PPP2R2B: variants seen among roughly 807,000 people sequenced by gnomAD.
PPP2R2B encodes the protein serine/threonine-protein phosphatase 2A 55 kDa regulatory subunit B beta isoform.
PPP2R2B carries 5 observed loss-of-function variants against 46.0 expected under a neutral mutation model. That is an observed-to-expected ratio of 0.11 (90% CI 0.06 to 0.23). The LOEUF (loss-of-function observed/expected upper bound fraction) is 0.23, where lower values mean the gene tolerates loss of function less well. Ranked by LOEUF, PPP2R2B falls within the 10% of genes least tolerant of loss-of-function variation. PPP2R2B has a pLI of 1.00. For synonymous variants in PPP2R2B, 215 were observed against 206.7 expected (o/e 1.04, Z -0.34); for missense variants, 367 against 575.0 (o/e 0.64, Z 3.70).
At chr5:146,597,957 T>C (rs1320295388) in intron 8 of PPP2R2B, among the ~76,000 whole-genome samples, 1 of 152,228 alleles carries the variant, frequency 6.6e-6, no homozygotes, top group African/African-American at 2.4e-5. Flanking sequence ...TTCAGCGGTC[T>C]CTCTCTAATG....
intron 2 of PPP2R2B, among the ~76,000 whole-genome samples, chr5:146,716,257 A>G (rs916861419): frequency 3.3e-5 from 5 of 152,148 alleles, no homozygotes; most frequent in African/African-American, 1.2e-4. Flanking sequence ...ATTGGAAAAA[A>G]TTCCTTCTTC....
intron 2 of PPP2R2B, among the ~76,000 whole-genome samples, chr5:146,766,457 C>T (rs1307972349): frequency 1.3e-5 from 2 of 152,116 alleles, no homozygotes; most frequent in East Asian, 3.9e-4. Flanking sequence ...TGGGAAAAGG[C>T]TCCAGGCAGG....
chr5:146,861,486 C>A (rs555092411), intron 2 of PPP2R2B, among the ~76,000 whole-genome samples: 1 of 152,170 alleles, frequency 6.6e-6, no homozygotes, highest in Non-Finnish European at 1.5e-5. Context: ...CCACCGCGCC[C>A]GTCGTCAAAC....
intron 1 of PPP2R2B, among the ~76,000 whole-genome samples, chr5:147,007,759 G>A (rs1330859071): frequency 6.6e-6 from 1 of 152,158 alleles, no homozygotes; most frequent in African/African-American, 2.4e-5. Context: ...TTTAAGAGCT[G>A]TAACACTGAC....
At chr5:146,883,852 G>A (rs915856099) in intron 1 of PPP2R2B, among the ~76,000 whole-genome samples, 7 of 152,144 alleles carry the variant, frequency 4.6e-5, no homozygotes. Context: ...AGACTCTGGG[G>A]TCTTAATGGA....
At chr5:146,722,899 C>T (rs1312582506) in intron 2 of PPP2R2B, among the ~76,000 whole-genome samples, 1 of 152,148 alleles carries the variant, frequency 6.6e-6, no homozygotes, top group African/African-American at 2.4e-5. Flanking sequence ...TCTCTCTTGT[C>T]TACTGCCACT....
chr5:146,607,147 A>C (rs1445151348), intron 7 of PPP2R2B: 1 of 152,136 alleles, frequency 6.6e-6, no homozygotes, highest in Non-Finnish European at 1.5e-5. Context: ...GCAGCCAGTA[A>C]TTTTTACTAT....
At chr5:146,731,912 A>G (rs979724874) in intron 2 of PPP2R2B, among the ~76,000 whole-genome samples, 3 of 152,164 alleles carry the variant, frequency 2.0e-5, no homozygotes, top group Admixed American at 6.5e-5. Flanking sequence ...TTCTCTAACT[A>G]TATTGTTAGC....
At chr5:147,009,170 C>A (rs986865233) in intron 1 of PPP2R2B, among the ~76,000 whole-genome samples, 1 of 152,120 alleles carries the variant, frequency 6.6e-6, no homozygotes, top group Non-Finnish European at 1.5e-5. Context: ...AACTGGTGAG[C>A]TTTCATCATG....
At chr5:146,688,096 G>T (rs111907600) in intron 5 of PPP2R2B, among the ~76,000 whole-genome samples, 3 of 152,044 alleles carry the variant, frequency 2.0e-5, no homozygotes, top group Non-Finnish European at 4.4e-5. Context: ...GGATCAAAAA[G>T]AAAAGGAAGC....
At chr5:146,889,667 A>G (rs546574431) in intron 1 of PPP2R2B, among the ~76,000 whole-genome samples, 3 of 152,266 alleles carry the variant, frequency 2.0e-5, no homozygotes, top group African/African-American at 7.2e-5. Flanking sequence ...TTTAATCTGT[A>G]ACCTTTCCGT....
At chr5:146,738,611 G>A (rs1394967362) in intron 2 of PPP2R2B, among the ~76,000 whole-genome samples, 2 of 152,022 alleles carry the variant, frequency 1.3e-5, no homozygotes, top group African/African-American at 2.4e-5. Flanking sequence ...AGCAAATGAC[G>A]GTTGAACAAC....
intron 7 of PPP2R2B, among the ~76,000 whole-genome samples, chr5:146,618,087 GT>G (rs1183447583): frequency 6.6e-6 from 1 of 152,020 alleles, no homozygotes; most frequent in Non-Finnish European, 1.5e-5. Flanking sequence ...CTGTGACCAC[GT>G]TATGTTACAT....
chr5:146,922,038 C>T lies in PPP2R2B; in HGVS notation c.79+133627G>A, dbSNP rs1196624568. ...GAGGCTGAGTGACAGAACTGGGATT[C>T]ATCCCTAGGTCTGAAAGATTCTAAA... On this transcript the variant is annotated intron_variant, in intron 1 of 8. Coordinates refer to the PPP2R2B transcript ENST00000336640. Among the ~76,000 whole-genome samples the T allele has an allele frequency of 2.0e-5, 3 of 152,296 alleles. No homozygotes were observed. In the East Asian group the frequency reaches 5.8e-4, roughly 29 times the overall value.
At chr5:146,824,205 T>A (rs561968761) in intron 2 of PPP2R2B, among the ~76,000 whole-genome samples, 1 of 152,358 alleles carries the variant, frequency 6.6e-6, no homozygotes, top group East Asian at 1.9e-4. Context: ...AACATGAGGC[T>A]ATTTCTATTC....
At chr5:146,866,537 A>G (rs1434863893) in intron 2 of PPP2R2B, among the ~76,000 whole-genome samples, 1 of 152,200 alleles carries the variant, frequency 6.6e-6, no homozygotes, top group African/African-American at 2.4e-5. Flanking sequence ...AATAAGATCT[A>G]AAGTCTCACC....
intron 7 of PPP2R2B, among the ~76,000 whole-genome samples, chr5:146,632,047 A>G (rs974023380): frequency 6.9e-6 from 1 of 145,412 alleles, no homozygotes; most frequent in African/African-American, 2.5e-5. Flanking sequence ...TCCTCCTACT[A>G]TGGGCTGAGT....
intron 2 of PPP2R2B, among the ~76,000 whole-genome samples, chr5:146,805,223 C>A (rs1196429424): frequency 6.6e-6 from 1 of 152,012 alleles, no homozygotes; most frequent in Non-Finnish European, 1.5e-5. Flanking sequence ...ATTTGGGGAC[C>A]CTGAGCCATT....
In PPP2R2B at chr5:146,701,038, C is replaced by A. The variant is rs769512340; in HGVS notation, c.168+7G>T. The A allele has an allele frequency of 6.2e-7, 1 of 1,603,956 alleles. No individual in the cohort carries two copies. Among genetic ancestry groups the A allele is most frequent in the South Asian group, 1.1e-5 (1 of 90,856 alleles). On this transcript the variant is annotated splice_region_variant and intron_variant, in intron 3 of 9. Transcript: ENST00000394411. ...AAAATGGGCATTTTGCATTCACCACCACTTACCTCCTGCTCTCGTTGAAAT... is the reference window on the plus strand; with the variant it reads ...AAAATGGGCATTTTGCATTCACCACAACTTACCTCCTGCTCTCGTTGAAAT...
Sources: gnomAD v4.1 joint callset for allele counts (sites outside exome capture counted in the v4.1 genomes callset) on GRCh38, gnomAD v4.1.1 for gene constraint, MANE v1.5 for transcripts, NCBI Gene and HGNC (gene_info 2026-07-23, HGNC 2026-07-21) for gene names.